Variants in DLGAP1 observed in about 807,000 individuals in gnomAD.
DLGAP1 encodes disks large-associated protein 1.
Under a neutral mutation model 90.8 loss-of-function variants are expected in DLGAP1, and 11 were observed. That is an observed-to-expected ratio of 0.12 (90% CI 0.08 to 0.20). The LOEUF is 0.20. DLGAP1 is among the 10% of genes least tolerant of loss of function. DLGAP1 has a pLI of 1.00. For missense variants in DLGAP1, 1,050 were observed against 1,333.8 expected (o/e 0.79, Z 3.31); for synonymous variants, 558 against 540.7 (o/e 1.03, Z -0.44).
At chr18:4,260,610 CTTT>C in intron 1 of DLGAP1, among the ~76,000 whole-genome samples, 1 of 152,076 alleles carries the variant, frequency 6.6e-6, no homozygotes, top group Non-Finnish European at 1.5e-5. Flanking sequence ...GGCTAAATTG[CTTT>C]TATTATTTAA....
intron 5 of DLGAP1, among the ~76,000 whole-genome samples, chr18:3,762,492 C>G (rs974961387): frequency 1.9e-4 from 29 of 152,078 alleles, no homozygotes; most frequent in African/African-American, 7.0e-4. Context: ...CAAATTGGAG[C>G]AGTTAAAGCT....
intron 5 of DLGAP1, chr18:3,771,077 A>G (rs1244068653): frequency 6.6e-6 from 1 of 152,198 alleles, no homozygotes; most frequent in East Asian, 1.9e-4. Flanking sequence ...TCTGGTCAAA[A>G]TGTACTCTAT....
Position 4,258,181 on chromosome 18 carries a change from C to T in DLGAP1, c.-266-106894G>A, listed in dbSNP as rs189780062. Reference sequence around the variant, plus strand: ...CTTCCCTACTAGCTAAGACTACAGTCGTGCGCCACTACGCCTGGCTAATTT... The same window carrying T: ...CTTCCCTACTAGCTAAGACTACAGTTGTGCGCCACTACGCCTGGCTAATTT... On this transcript the variant is annotated intron_variant, in intron 1 of 12. Transcript: ENST00000315677. Among the ~76,000 whole-genome samples, 265 of 151,710 alleles carry T rather than the reference C, an allele frequency of 1.7e-3. 1 individual carries two copies. The highest frequency in any genetic ancestry group is 0.015 in the Admixed American group (225 of 15,250).
chr18:4,101,338 A>G (rs1469294202), intron 2 of DLGAP1, among the ~76,000 whole-genome samples: 2 of 152,184 alleles, frequency 1.3e-5, no homozygotes, highest in Non-Finnish European at 2.9e-5. Context: ...GAGTCCGAAC[A>G]CACACACTTA....
At chr18:4,289,649 C>T (rs760888655) in intron 1 of DLGAP1, among the ~76,000 whole-genome samples, 1 of 152,000 alleles carries the variant, frequency 6.6e-6, no homozygotes, top group Non-Finnish European at 1.5e-5. Context: ...AGAAAGAAAA[C>T]TTTTTTTCAT....
At chr18:4,219,957 A>G (rs146249804) in intron 1 of DLGAP1, among the ~76,000 whole-genome samples, 2 of 152,166 alleles carry the variant, frequency 1.3e-5, no homozygotes, top group East Asian at 3.9e-4. Flanking sequence ...TGTTTTGGCT[A>G]TTCTAGGTCT....
intron 3 of DLGAP1, among the ~76,000 whole-genome samples, chr18:3,974,663 T>C (rs1469709978): frequency 1.3e-5 from 2 of 152,054 alleles, no homozygotes; most frequent in African/African-American, 4.8e-5. Context: ...ATTAATCAGG[T>C]AAATGGGAGT....
rs554277582 is a variant in DLGAP1 at position 4,291,105 on chromosome 18, T to A, written c.-266-139818A>T. On this transcript the variant is annotated intron_variant, in intron 1 of 12. Transcript: ENST00000315677. The stretch of plus-strand genomic sequence containing the variant: ...AGCTCAAAATGGTAGATGTTGAAAA[T>A]AGAAGGAATCTAATTGGAATATTTA... Among the ~76,000 whole-genome samples, 7 of 152,318 alleles carry A rather than the reference T, an allele frequency of 4.6e-5. No individual in the cohort carries two copies. The South Asian group carries it at 1.2e-3, about 27-fold the overall frequency.
chr18:4,176,220 C>G lies in DLGAP1; in HGVS notation c.-266-24933G>C, dbSNP rs75184864. 5.9e-3 allele frequency among the ~76,000 whole-genome samples: 894 copies of G among 152,248 alleles called. 2 individuals carry two copies. The highest frequency in any genetic ancestry group is 0.017 in the African/African-American group (708 of 41,554). On this transcript the variant is annotated intron_variant, in intron 1 of 12. Transcript: ENST00000315677. ...ATTTCATCAGTCCCTTCATATAGGT[C>G]AGAAGTTTACCCTTTTCTCACTACA...
chr18:3,676,238 G>A (rs537912683), intron 7 of DLGAP1, among the ~76,000 whole-genome samples: 3 of 152,328 alleles, frequency 2.0e-5, no homozygotes, highest in East Asian at 1.9e-4. Flanking sequence ...TAAGATTAGG[G>A]TGGGGCAACC....
At chr18:3,578,449 T>C (rs994261982) in intron 8 of DLGAP1, among the ~76,000 whole-genome samples, 3 of 151,752 alleles carry the variant, frequency 2.0e-5, no homozygotes, top group Non-Finnish European at 4.4e-5. Context: ...CTCTGCCTCC[T>C]GGGTTCAAGT....
Position 4,096,305 on chromosome 18 carries a change from G to A in DLGAP1, c.-159+54875C>T, listed in dbSNP as rs373954756. Among the ~76,000 whole-genome samples, 89 of 152,190 alleles carry A rather than the reference G, an allele frequency of 5.8e-4. 1 individual carries two copies. The South Asian group carries it at 0.016, about 27-fold the overall frequency. On this transcript the variant is annotated intron_variant, in intron 2 of 12. Transcript: ENST00000315677. ...CTCCCAAAGTGCTGGGATTACAGGC[G>A]TGAGCCACTGCGCCTGGCCAGAATG...
At chr18:4,204,853 G>C (rs142252592) in intron 1 of DLGAP1, among the ~76,000 whole-genome samples, 565 of 150,266 alleles carry the variant, frequency 3.8e-3, no homozygotes, top group African/African-American at 0.013. Context: ...TTCAGTGGTG[G>C]TAACTGAGGT....
chr18:4,434,733 G>C (rs1172422400), intron 1 of DLGAP1, among the ~76,000 whole-genome samples: 1 of 152,184 alleles, frequency 6.6e-6, no homozygotes, highest in Non-Finnish European at 1.5e-5. Context: ...CTGGAACCCA[G>C]AGGAGGTGGT....
intron 1 of DLGAP1, among the ~76,000 whole-genome samples, chr18:4,232,555 T>C (rs2078322693): frequency 6.6e-6 from 1 of 152,180 alleles, no homozygotes; most frequent in African/African-American, 2.4e-5. Flanking sequence ...ACAATGTTGT[T>C]GTAATGTAAA....
chr18:3,705,997 T>TTTTTG (rs34080077), intron 7 of DLGAP1, among the ~76,000 whole-genome samples: 2 of 148,464 alleles, frequency 1.3e-5, no homozygotes, highest in East Asian at 2.0e-4. Context: ...TTTTTTTTTT[T>TTTTTG]GAGATGGAAT....
intron 7 of DLGAP1, among the ~76,000 whole-genome samples, chr18:3,667,530 G>C (rs1411103791): frequency 6.6e-6 from 1 of 152,114 alleles, no homozygotes; most frequent in Non-Finnish European, 1.5e-5. Context: ...GTGGACTAGG[G>C]AAGATTAAAA....
chr18:3,690,320 C>T (rs943772400), intron 7 of DLGAP1, among the ~76,000 whole-genome samples: 1 of 151,930 alleles, frequency 6.6e-6, no homozygotes, highest in Non-Finnish European at 1.5e-5. Flanking sequence ...TTCCTGGGCT[C>T]AAGCGATCTG....
At chr18:3,800,211 A>C (rs910508102) in intron 5 of DLGAP1, among the ~76,000 whole-genome samples, 6 of 152,200 alleles carry the variant, frequency 3.9e-5, no homozygotes, top group African/African-American at 1.4e-4. Context: ...TAAGTGATTA[A>C]GTGCTTTGAG....
Sources: allele counts gnomAD v4.1 joint callset (sites outside exome capture counted in the v4.1 genomes callset), GRCh38; gene constraint gnomAD v4.1.1; transcripts MANE v1.5; gene names NCBI Gene and HGNC (gene_info 2026-07-23, HGNC 2026-07-21).